RFC3: variants seen among roughly 807,000 people sequenced by gnomAD.
RFC3 encodes replication factor C subunit 3, also known as A1 38 kDa subunit.
Under a neutral mutation model 45.1 loss-of-function variants are expected in RFC3, and 41 were observed. The ratio of observed to expected loss-of-function variants is 0.91; its 90% CI spans 0.71 to 1.18. The LOEUF (loss-of-function observed/expected upper bound fraction) is 1.18, where lower values mean the gene tolerates loss of function less well. RFC3 is among the 50% of genes most tolerant of loss of function. RFC3 has a pLI of 0.00. For synonymous variants in RFC3, 149 were observed against 144.0 expected (o/e 1.03, Z -0.25); for missense variants, 423 against 428.1 (o/e 0.99, Z 0.10).
Position 33,836,661 on chromosome 13 carries a change from A to G in RFC3, c.*366A>G. On this transcript the variant is annotated 3_prime_UTR_variant, in exon 9 of 9. Transcript: ENST00000380071. ...ATTATTTTCATTTATCCAGATGACC[A>G]TTTTCTGCCACAGGTAACATGATTG... is the stretch of plus-strand genomic sequence containing the variant. 2.0e-6 allele frequency: 2 copies of G among 991,728 alleles called. No individual in the cohort carries two copies. Among genetic ancestry groups the G allele is most frequent in the Non-Finnish European group, 1.2e-6 (1 of 833,938 alleles). 61.4% of individuals were successfully genotyped at this position (991,728 alleles called of 1,614,324 possible).
chr13:33,972,732 A>G, the RFC3 span, among the ~76,000 whole-genome samples: 1 of 152,204 alleles, frequency 6.6e-6, no homozygotes, highest in Non-Finnish European at 1.5e-5. Flanking sequence ...TTAAGCCTAA[A>G]TTGTGAACTT....
At chr13:33,904,142 G>T (rs951411856) in intron 8 of RFC3, among the ~76,000 whole-genome samples, 3 of 151,922 alleles carry the variant, frequency 2.0e-5, no homozygotes, top group Admixed American at 6.6e-5. Context: ...CTGTACCTTA[G>T]GGACTTTGTC....
At chr13:33,881,162 T>A (rs924273265) in intron 8 of RFC3, among the ~76,000 whole-genome samples, 8 of 152,332 alleles carry the variant, frequency 5.3e-5, no homozygotes, top group Non-Finnish European at 1.2e-4. Flanking sequence ...CAAAATTTAG[T>A]AAGATGTTTT....
At chr13:33,934,272 G>T (rs1007266797) in intron 8 of RFC3, among the ~76,000 whole-genome samples, 1 of 152,096 alleles carries the variant, frequency 6.6e-6, no homozygotes, top group African/African-American at 2.4e-5. Context: ...GGTTGAGTCT[G>T]CAGTGAGATG....
chr13:33,938,686 G>GTT (rs202207357), intron 8 of RFC3, among the ~76,000 whole-genome samples: 1 of 150,810 alleles, frequency 6.6e-6, no homozygotes, highest in Non-Finnish European at 1.5e-5. Flanking sequence ...CTACATTTCA[G>GTT]TTTTTTTTTG....
chr13:33,921,996 C>T (rs7322394), intron 8 of RFC3, among the ~76,000 whole-genome samples: 46,398 of 151,902 alleles, frequency 0.31, 11,352 homozygotes, highest in African/African-American at 0.66. Context: ...TGTTCTTCTT[C>T]CCATCTGTCA....
intron 8 of RFC3, among the ~76,000 whole-genome samples, chr13:33,959,904 C>T (rs1188000874): frequency 6.6e-6 from 1 of 152,168 alleles, no homozygotes; most frequent in Non-Finnish European, 1.5e-5. Context: ...CGGCATCACT[C>T]AGCTTCTGGG....
At chr13:33,961,150 A>G (rs189571619) in intron 8 of RFC3, among the ~76,000 whole-genome samples, 53 of 152,246 alleles carry the variant, frequency 3.5e-4, no homozygotes, top group African/African-American at 1.2e-3. Context: ...CTGGATTTTT[A>G]TTTGCTACAT....
At chr13:33,865,941 C>T (rs372013822) in intron 8 of RFC3, among the ~76,000 whole-genome samples, 27 of 152,216 alleles carry the variant, frequency 1.8e-4, no homozygotes, top group African/African-American at 6.3e-4. Context: ...TGCCTATAAT[C>T]CCAGCTACTC....
intron 8 of RFC3, among the ~76,000 whole-genome samples, chr13:33,951,294 G>A (rs1244582187): frequency 1.3e-5 from 2 of 149,570 alleles, no homozygotes; most frequent in Admixed American, 6.7e-5. Context: ...GTGCAGTGGC[G>A]CGATCTCGGG....
chr13:33,919,632 A>G (rs1280862367), intron 8 of RFC3, among the ~76,000 whole-genome samples: 1 of 152,100 alleles, frequency 6.6e-6, no homozygotes, highest in African/African-American at 2.4e-5. Context: ...ATGATTTTCA[A>G]AAATATTCTG....
At chr13:33,902,151 TG>T (rs769901779) in intron 8 of RFC3, among the ~76,000 whole-genome samples, 12 of 152,018 alleles carry the variant, frequency 7.9e-5, no homozygotes, top group Non-Finnish European at 1.8e-4. Context: ...TGAAGAAATA[TG>T]GAGAATATAT....
intron 8 of RFC3, among the ~76,000 whole-genome samples, chr13:33,886,556 G>GAA (rs1263964594): frequency 2.1e-5 from 3 of 145,584 alleles, no homozygotes; most frequent in Admixed American, 1.4e-4. Flanking sequence ...AAAAAAAAAA[G>GAA]AAAAAAAACC....
intron 8 of RFC3, among the ~76,000 whole-genome samples, chr13:33,867,566 A>C (rs2082381597): frequency 6.6e-6 from 1 of 152,236 alleles, no homozygotes; most frequent in Non-Finnish European, 1.5e-5. Context: ...CTCACTACCC[A>C]AAAGAGATGA....
downstream of RFC3, among the ~76,000 whole-genome samples, chr13:33,840,772 C>A (rs1464049012): frequency 6.6e-6 from 1 of 151,758 alleles, no homozygotes; most frequent in Non-Finnish European, 1.5e-5. Flanking sequence ...CTAGAAATAT[C>A]TTTTAAAATT....
At chr13:33,845,413 A>G (rs929659524) in intron 8 of RFC3, among the ~76,000 whole-genome samples, 2 of 152,174 alleles carry the variant, frequency 1.3e-5, no homozygotes, top group African/African-American at 2.4e-5. Flanking sequence ...ACTCTTAGAT[A>G]TGCCCTCTTG....
rs532906087 is a variant in RFC3, at chr13:33,853,157, G to C, written c.879+17940G>C. Among the ~76,000 whole-genome samples, 51 of 152,234 alleles carry C rather than the reference G, an allele frequency of 3.4e-4. No homozygotes were observed. In the South Asian group the frequency reaches 8.3e-3, roughly 25 times the overall value. Reference sequence around the variant, plus strand: ...AAGACCTCTTTCAGGATCAAGGAGGGCTGTGAAGGCACCTGCTAACCTTTC... The same window carrying C: ...AAGACCTCTTTCAGGATCAAGGAGGCCTGTGAAGGCACCTGCTAACCTTTC... On this transcript the variant is annotated intron_variant, in intron 8 of 8. Coordinates refer to the RFC3 transcript ENST00000434425.
At position 33,843,539 on chromosome 13, in the gene RFC3, A is replaced by G. The variant is rs182614117; in HGVS notation, c.879+8322A>G. Among the ~76,000 whole-genome samples the G allele has an allele frequency of 8.0e-3, 1,214 of 152,352 alleles. 14 individuals are homozygous for G. The highest frequency in any genetic ancestry group is 0.013 in the Non-Finnish European group (866 of 68,024). ...TGAAGAGCAGCTGTGCAAAATAATT[A>G]CTAGCTGTAGGCATGGAAAGAGCTT... is the stretch of plus-strand genomic sequence containing the variant. On this transcript the variant is annotated intron_variant, in intron 8 of 8. Transcript: ENST00000434425.
chr13:33,875,504 T>A (rs552955655), intron 8 of RFC3, among the ~76,000 whole-genome samples: 17 of 152,312 alleles, frequency 1.1e-4, no homozygotes, highest in African/African-American at 4.1e-4. Flanking sequence ...ATTTAACTTT[T>A]CAGAAGCCTA....
Sources: gnomAD v4.1 joint callset for allele counts (sites outside exome capture counted in the v4.1 genomes callset) on GRCh38, gnomAD v4.1.1 for gene constraint, MANE v1.5 for transcripts, NCBI Gene and HGNC (gene_info 2026-07-23, HGNC 2026-07-21) for gene names.